The following TRIO variants were observed in gnomAD, a reference collection of about 807,000 sequenced individuals.
TRIO encodes the protein trio Rho guanine nucleotide exchange factor.
Under a neutral mutation model 351.9 loss-of-function variants are expected in TRIO, and 58 were observed. The ratio of observed to expected loss-of-function variants is 0.16; its 90% CI spans 0.13 to 0.21. TRIO has a LOEUF of 0.21. TRIO is among the 10% of genes least tolerant of loss of function. TRIO has a pLI of 1.00. For missense variants in TRIO, 3,201 were observed against 4,027.8 expected (o/e 0.79, Z 5.56); for synonymous variants, 1,758 against 1,595.7 (o/e 1.10, Z -2.42).
At chr5:14,380,300 C>A (rs1403243455) in intron 20 of TRIO, among the ~76,000 whole-genome samples, 2 of 115,304 alleles carry the variant, frequency 1.7e-5, no homozygotes, top group African/African-American at 1.1e-4. Context: ...CCTCCTCCTT[C>A]GCGCCCCGCC....
intron 45 of TRIO, 44 bp downstream of exon 45, chr5:14,481,662 C>A (rs763200905): frequency 6.3e-7 from 1 of 1,597,604 alleles, no homozygotes; most frequent in African/African-American, 1.3e-5. Context: ...CTGCCTTCAT[C>A]TCTTTCTTTT....
intron 18 of TRIO, among the ~76,000 whole-genome samples, chr5:14,373,557 A>T (rs1745306247): frequency 6.6e-6 from 1 of 152,204 alleles, no homozygotes; most frequent in African/African-American, 2.4e-5. Context: ...GTATTCTTTT[A>T]TCTAAAACCC....
chr5:14,455,529 A>G (rs868056638), intron 34 of TRIO, among the ~76,000 whole-genome samples: 2 of 151,490 alleles, frequency 1.3e-5, no homozygotes, highest in Non-Finnish European at 2.9e-5. Context: ...TGTATTTACA[A>G]TCCTTTAGCT....
Position 14,509,918 on chromosome 5 carries a change from A to G in TRIO, c.*1496A>G, listed in dbSNP as rs1757977145. The G allele has an allele frequency of 6.6e-6, 1 of 152,408 alleles. No individual in the cohort carries two copies. Among genetic ancestry groups the G allele is most frequent in the South Asian group, 2.1e-4 (1 of 4,846 alleles). 9.4% of individuals were successfully genotyped at this position (152,408 alleles called of 1,614,324 possible). A position where few individuals can be genotyped will look rare whatever the true frequency, so the allele number is the denominator to read the frequency against. On this transcript the variant is annotated 3_prime_UTR_variant, in exon 57 of 57. Coordinates refer to ENST00000344204, the MANE Select transcript of TRIO (RefSeq NM_007118.4). Reference sequence around the variant, plus strand: ...ATAAACTGGCGTAGTTAAGCTTTGCAGCTTCCAGTGTATTTTATTTATTCT... The same window carrying G: ...ATAAACTGGCGTAGTTAAGCTTTGCGGCTTCCAGTGTATTTTATTTATTCT...
intron 1 of TRIO, among the ~76,000 whole-genome samples, chr5:14,227,152 A>C: frequency 6.6e-6 from 1 of 152,152 alleles, no homozygotes; most frequent in East Asian, 1.9e-4. Flanking sequence ...CTTGTTCCGC[A>C]CCCGCAGTCC....
intron 1 of TRIO, among the ~76,000 whole-genome samples, chr5:14,155,153 C>T (rs1338804578): frequency 3.3e-5 from 5 of 152,170 alleles, no homozygotes; most frequent in Admixed American, 6.5e-5. Context: ...GAAGGCAGAA[C>T]TCATCATGCT....
chr5:14,362,777 T>C (rs892045625), intron 13 of TRIO, among the ~76,000 whole-genome samples: 3 of 152,196 alleles, frequency 2.0e-5, no homozygotes, highest in Admixed American at 1.3e-4. Flanking sequence ...GGCACCATTA[T>C]GCTGAGCCTT....
intron 34 of TRIO, among the ~76,000 whole-genome samples, chr5:14,447,839 A>G (rs946853798): frequency 6.6e-6 from 1 of 152,196 alleles, no homozygotes; most frequent in African/African-American, 2.4e-5. Context: ...TTCAACATTC[A>G]TGTTTCTTAA....
At chr5:14,395,246 C>A (rs558292466) in intron 28 of TRIO, among the ~76,000 whole-genome samples, 1 of 152,232 alleles carries the variant, frequency 6.6e-6, no homozygotes, top group Non-Finnish European at 1.5e-5. Context: ...ATCAAAATGC[C>A]GTTAAGTGAT....
intron 33 of TRIO, among the ~76,000 whole-genome samples, chr5:14,418,304 G>A (rs1343948885): frequency 6.6e-6 from 1 of 152,154 alleles, no homozygotes; most frequent in Non-Finnish European, 1.5e-5. Flanking sequence ...TTGCATAAGA[G>A]GATGACGTGT....
chr5:14,486,592 A>G (rs1755929094), intron 47 of TRIO, among the ~76,000 whole-genome samples: 3 of 152,160 alleles, frequency 2.0e-5, no homozygotes, highest in South Asian at 2.1e-4. Context: ...CTAAATTTTC[A>G]TCATTGTCTT....
At chr5:14,148,364 G>C (rs1787634983) in intron 1 of TRIO, among the ~76,000 whole-genome samples, 1 of 152,176 alleles carries the variant, frequency 6.6e-6, no homozygotes, top group South Asian at 2.1e-4. Flanking sequence ...CATAATCTAA[G>C]TCAGCTGTAT....
At chr5:14,180,524 G>A (rs1007330271) in intron 1 of TRIO, among the ~76,000 whole-genome samples, 1 of 152,168 alleles carries the variant, frequency 6.6e-6, no homozygotes, top group Non-Finnish European at 1.5e-5. Flanking sequence ...GTTGTTAGAA[G>A]TGTCTGATCT....
chr5:14,487,413 G>A (rs766804864), intron 47 of TRIO, 51 bp from the exon 48 acceptor site: 2 of 1,095,512 alleles, frequency 1.8e-6, no homozygotes, highest in Admixed American at 7.7e-5. Flanking sequence ...TCACCCCGCG[G>A]CGTGCTCCTT....
At position 14,226,364 on chromosome 5, in the gene TRIO, A is replaced by G. The variant is rs528959391; in HGVS notation, c.158-44461A>G. Among the ~76,000 whole-genome samples, 4 of 152,258 alleles carry G rather than the reference A, an allele frequency of 2.6e-5. No individual in the cohort carries two copies. In the South Asian group the frequency reaches 8.3e-4, roughly 32 times the overall value. ...CCTGCTAGCGCAGCTGTGTTTTTAG[A>G]AGACCTTGTGGAGGTTGAAAACCAG... On this transcript the variant is annotated intron_variant, in intron 1 of 56. Transcript: ENST00000344204.
intron 10 of TRIO, among the ~76,000 whole-genome samples, chr5:14,335,176 G>C (rs1741281542): frequency 6.6e-6 from 1 of 152,160 alleles, no homozygotes; most frequent in Non-Finnish European, 1.5e-5. Flanking sequence ...TTCTCAAATA[G>C]AGAAACCTGG....
chr5:14,254,731 A>G (rs984055312), intron 1 of TRIO, among the ~76,000 whole-genome samples: 4 of 152,162 alleles, frequency 2.6e-5, no homozygotes, highest in Admixed American at 1.3e-4. Context: ...CTCCTCTCGG[A>G]CCCTCATAGC....
Position 14,368,777 on chromosome 5 carries a change from A to G in TRIO, c.2944A>G (p.Met982Val), listed in dbSNP as rs140274783. Residue 982 changes from methionine to valine, a missense_variant, in exon 17 of 57, where the codon ATG (methionine) becomes GTG (valine). This residue lies in a region of TRIO where 363 missense variants were observed against 553.5 expected (regional missense o/e 0.66). Transcript: ENST00000344204. Reference sequence around the variant, plus strand: ...CATGCTACAGGCCAACCACTACGACATGGACATGATCCGGGACTGCGCCGA... The same window carrying G: ...CATGCTACAGGCCAACCACTACGACGTGGACATGATCCGGGACTGCGCCGA... ...EAMLQANHYD[M>V]DMIRDCAEKV... 8 of 1,613,972 alleles carry G rather than the reference A, an allele frequency of 5.0e-6. No homozygotes were observed. In the African/African-American group the frequency reaches 6.7e-5, roughly 13 times the overall value.
At chr5:14,364,386 A>C (rs1002716896) in intron 14 of TRIO, among the ~76,000 whole-genome samples, 12 of 152,158 alleles carry the variant, frequency 7.9e-5, no homozygotes, top group East Asian at 3.8e-4. Flanking sequence ...AACAAAAAAA[A>C]CCCTGAAATT....
Sources: allele counts gnomAD v4.1 joint callset (sites outside exome capture counted in the v4.1 genomes callset), GRCh38; gene constraint gnomAD v4.1.1; regional missense constraint gnomAD v4.1.1; transcripts MANE v1.5; gene names NCBI Gene and HGNC (gene_info 2026-07-23, HGNC 2026-07-21).